The following TENM2 variants were observed in gnomAD, a reference collection of about 807,000 sequenced individuals.
TENM2 encodes teneurin transmembrane protein 2, also known as teneurin-2.
Under a neutral mutation model 245.2 loss-of-function variants are expected in TENM2, and 52 were observed. The ratio of observed to expected loss-of-function variants is 0.21; its 90% CI spans 0.17 to 0.27. The LOEUF is 0.27. TENM2 is among the 10% of genes least tolerant of loss of function. TENM2 has a pLI of 1.00. For missense variants in TENM2, 3,046 were observed against 3,666.8 expected, an observed-to-expected ratio of 0.83 and a Z score of 4.37; for synonymous variants, 1,363 against 1,438.9, an observed-to-expected ratio of 0.95 and a Z score of 1.19.
At chr5:167,333,092 C>T (rs1032573819) in intron 1 of TENM2, among the ~76,000 whole-genome samples, 5 of 152,052 alleles carry the variant, frequency 3.3e-5, no homozygotes, top group African/African-American at 9.7e-5. Flanking sequence ...AAGCCATCAA[C>T]AAAGATTAAA....
intron 1 of TENM2, among the ~76,000 whole-genome samples, chr5:167,288,548 G>A (rs1381343028): frequency 2.1e-5 from 3 of 141,874 alleles, no homozygotes; most frequent in Non-Finnish European, 4.5e-5. Context: ...GACAGAGCGA[G>A]ACTCCGTCTC....
At chr5:167,543,294 T>C (rs1772334818) in intron 2 of TENM2, among the ~76,000 whole-genome samples, 1 of 152,166 alleles carries the variant, frequency 6.6e-6, no homozygotes, top group Non-Finnish European at 1.5e-5. Flanking sequence ...GGCCCAGAAG[T>C]TGTCCTGTGT....
At chr5:168,216,857 C>A (rs1763241316) in exon 22 of TENM2, 1 of 1,613,870 alleles carries the variant, frequency 6.2e-7, no homozygotes, top group Non-Finnish European at 8.5e-7. Context: ...CTCCACCCTG[C>A]TGGGCTCCAA....
At chr5:167,034,643 A>AAG in the TENM2 span, among the ~76,000 whole-genome samples, 1 of 151,340 alleles carries the variant, frequency 6.6e-6, no homozygotes, top group African/African-American at 2.4e-5. Flanking sequence ...AAAAAAAAAA[A>AAG]AAAAAAAAAA....
chr5:167,637,769 C>A (rs1779296476), intron 2 of TENM2, among the ~76,000 whole-genome samples: 1 of 151,986 alleles, frequency 6.6e-6, no homozygotes, highest in South Asian at 2.1e-4. Flanking sequence ...ACAATGAGAA[C>A]ACATAGACAC....
intron 9 of TENM2, among the ~76,000 whole-genome samples, chr5:168,102,458 C>T (rs1411037529): frequency 6.6e-6 from 1 of 152,208 alleles, no homozygotes; most frequent in Non-Finnish European, 1.5e-5. Flanking sequence ...CCCATTAACC[C>T]TATCTAGAGA....
At chr5:167,264,092 C>T in the TENM2 span, among the ~76,000 whole-genome samples, 3 of 141,026 alleles carry the variant, frequency 2.1e-5, no homozygotes, top group East Asian at 2.1e-4. Context: ...GCAATAATAA[C>T]GAAACTCTGT....
chr5:168,179,082 T>C (rs35982759), intron 13 of TENM2, among the ~76,000 whole-genome samples: 10,140 of 139,502 alleles, frequency 0.073, 440 homozygotes, highest in Middle Eastern at 0.16. Flanking sequence ...TTGCAGTGAG[T>C]CGAGATCGAG....
At chr5:167,269,664 T>C in the TENM2 span, among the ~76,000 whole-genome samples, 1 of 152,210 alleles carries the variant, frequency 6.6e-6, no homozygotes, top group East Asian at 1.9e-4. Context: ...ACCCAGTACA[T>C]TGCATTCCAC....
In TENM2 at chr5:167,693,633, C is replaced by CAA. The variant is rs35853452; in HGVS notation, c.503-182337_503-182336dup. On this transcript the variant is annotated intron_variant, in intron 2 of 28. Transcript: ENST00000518659. ...ACCTAAATTTTAAGAAATTTCTAGG[C>CAA]AAAAAAAAAAAAAAAAACCACTTGA... Among the ~76,000 whole-genome samples, 269 of 90,666 alleles carry CAA rather than the reference C, an allele frequency of 3.0e-3. 3 individuals are homozygous for CAA. Among genetic ancestry groups the CAA allele is most frequent in the East Asian group, 9.4e-3 (32 of 3,400 alleles). The allele number at this position is 90,666 out of a possible 152,430, so 59.5% of individuals were successfully genotyped here. A position where few individuals can be genotyped will look rare whatever the true frequency, so the allele number is the denominator to read the frequency against.
chr5:168,122,960 T>C (rs934779347), intron 10 of TENM2, among the ~76,000 whole-genome samples: 1 of 152,174 alleles, frequency 6.6e-6, no homozygotes, highest in African/African-American at 2.4e-5. Flanking sequence ...GCATGGATAC[T>C]CTAAATAATG....
chr5:168,172,103 T>TGGTGGTGG (rs1246617112), intron 13 of TENM2, among the ~76,000 whole-genome samples: 1 of 152,120 alleles, frequency 6.6e-6, no homozygotes, highest in African/African-American at 2.4e-5. Flanking sequence ...TCACGAGTCA[T>TGGTGGTGG]GGTGGTGGGG....
At chr5:167,218,954 T>C in the TENM2 span, among the ~76,000 whole-genome samples, 1 of 152,206 alleles carries the variant, frequency 6.6e-6, no homozygotes, top group Non-Finnish European at 1.5e-5. Context: ...ACATAGGAAG[T>C]AGCAAAGATT....
At chr5:167,752,697 C>G (rs1404518115) in intron 2 of TENM2, among the ~76,000 whole-genome samples, 1 of 152,180 alleles carries the variant, frequency 6.6e-6, no homozygotes, top group African/African-American at 2.4e-5. Context: ...GAACTCTCAG[C>G]TCCACCTATA....
At chr5:167,336,167 T>C (rs1757739979) in intron 1 of TENM2, among the ~76,000 whole-genome samples, 1 of 149,034 alleles carries the variant, frequency 6.7e-6, no homozygotes, top group Non-Finnish European at 1.5e-5. Flanking sequence ...AATGTTCTTT[T>C]CATTTCTCCT....
chr5:167,136,087 T>C, the TENM2 span, among the ~76,000 whole-genome samples: 185 of 152,360 alleles, frequency 1.2e-3, no homozygotes, highest in African/African-American at 4.2e-3. Flanking sequence ...ATTTTTAAAT[T>C]GATTACATGC....
intron 3 of TENM2, among the ~76,000 whole-genome samples, chr5:167,916,055 G>C (rs1776910647): frequency 6.6e-6 from 1 of 152,218 alleles, no homozygotes; most frequent in African/African-American, 2.4e-5. Flanking sequence ...GAGGATTAAA[G>C]AAGCTAATAA....
At chr5:167,271,537 A>C in the TENM2 span, among the ~76,000 whole-genome samples, 2 of 152,202 alleles carry the variant, frequency 1.3e-5, no homozygotes, top group African/African-American at 4.8e-5. Flanking sequence ...GAATACACAC[A>C]AACACATAAG....
At chr5:167,490,359 T>A (rs1044354262) in intron 2 of TENM2, among the ~76,000 whole-genome samples, 3 of 152,032 alleles carry the variant, frequency 2.0e-5, no homozygotes, top group Non-Finnish European at 4.4e-5. Flanking sequence ...TCTTTGTACA[T>A]TTCTCAAAAC....
Sources: gnomAD v4.1 joint callset for allele counts (sites outside exome capture counted in the v4.1 genomes callset) on GRCh38, gnomAD v4.1.1 for gene constraint, MANE v1.5 for transcripts, NCBI Gene and HGNC (gene_info 2026-07-23, HGNC 2026-07-21) for gene names.